Variants in EPB41L1 observed in about 807,000 individuals in gnomAD.
The protein encoded by EPB41L1 is erythrocyte membrane protein band 4.1 like 1, also known as band 4.1-like protein 1.
In EPB41L1, 29 loss-of-function variants were observed where a neutral mutation model predicts 97.8. That is an observed-to-expected ratio of 0.30 (90% confidence interval 0.22 to 0.40). The LOEUF is 0.40. Among genes scored for constraint, EPB41L1 ranks in the 10% least tolerant of loss-of-function variants. The probability of loss-of-function intolerance (pLI) is 1.00; values close to 1 mark genes in which losing one functional copy is unlikely to be tolerated. For missense variants in EPB41L1, 812 were observed against 1,162.3 expected (o/e 0.70, Z 4.38); for synonymous variants, 383 against 459.2 (o/e 0.83, Z 2.12).
At chr20:36,099,099 G>A (rs986056990) in intron 1 of EPB41L1, among the ~76,000 whole-genome samples, 6 of 152,172 alleles carry the variant, frequency 3.9e-5, no homozygotes, top group Non-Finnish European at 8.8e-5. Flanking sequence ...AACCTGGGAG[G>A]CGGACATTGC....
chr20:36,149,322 T>G (rs1008871548), intron 2 of EPB41L1, among the ~76,000 whole-genome samples: 1 of 152,158 alleles, frequency 6.6e-6, no homozygotes, highest in African/African-American at 2.4e-5. Flanking sequence ...GGAAAAGTGC[T>G]TTGTATACTG....
At chr20:36,144,274 T>C (rs888671312) in intron 2 of EPB41L1, among the ~76,000 whole-genome samples, 1 of 152,198 alleles carries the variant, frequency 6.6e-6, no homozygotes, top group African/African-American at 2.4e-5. Flanking sequence ...GGTTTCTTGA[T>C]GCCCAGCCCA....
chr20:36,182,585 T>C (rs2061516004), intron 6 of EPB41L1, among the ~76,000 whole-genome samples: 1 of 152,216 alleles, frequency 6.6e-6, no homozygotes, highest in Non-Finnish European at 1.5e-5. Context: ...CACAGGGAAC[T>C]GTGGGGCCTT....
intron 17 of EPB41L1, 148 bp downstream of exon 17, chr20:36,214,588 AT>A: frequency 1.4e-6 from 1 of 716,962 alleles, no homozygotes; most frequent in Non-Finnish European, 2.4e-6. Context: ...GCTGTTTATT[AT>A]CTGGGGCTTT....
chr20:36,141,122 G>A (rs1358567376), intron 2 of EPB41L1, among the ~76,000 whole-genome samples: 2 of 152,084 alleles, frequency 1.3e-5, no homozygotes, highest in Non-Finnish European at 1.5e-5. Context: ...TCAGGATTAC[G>A]TGTTCATTTC....
Position 36,188,581 on chromosome 20 carries a change from AACACACACACACACACACAC to A in EPB41L1, c.1026+124_1026+143del, listed in dbSNP as rs55990020. On this transcript the variant is annotated intron_variant, in intron 9 of 21. Transcript: ENST00000338074. ...CCCTGGCAGCTGGGCCTGGACTGCC[AACACACACACACACACACAC>A]ACACACACACACACACACACACACA... 548 of 467,232 alleles carry A rather than the reference AACACACACACACACACACAC, an allele frequency of 1.2e-3. 3 individuals are homozygous for A. The highest frequency in any genetic ancestry group is 0.01 in the African/African-American group (286 of 27,598). 28.9% of individuals were successfully genotyped at this position (467,232 alleles called of 1,614,324 possible).
At chr20:36,167,735 C>T (rs1011825180) in intron 1 of EPB41L1, among the ~76,000 whole-genome samples, 4 of 150,494 alleles carry the variant, frequency 2.7e-5, no homozygotes, top group Non-Finnish European at 4.4e-5. Flanking sequence ...ATAATAATAA[C>T]AATAATAATA....
intron 2 of EPB41L1, among the ~76,000 whole-genome samples, chr20:36,149,435 C>G (rs1431369247): frequency 6.6e-6 from 1 of 152,118 alleles, no homozygotes; most frequent in Non-Finnish European, 1.5e-5. Flanking sequence ...TGGAAGGTTA[C>G]AGGGAAGGGT....
intron 1 of EPB41L1, chr20:36,110,007 T>G (rs904229377): frequency 1.3e-5 from 2 of 150,900 alleles, no homozygotes; most frequent in Non-Finnish European, 2.9e-5. Context: ...AATGGCGCAA[T>G]CTCGGCTCAC....
chr20:36,217,972 C>T (rs1444935429), intron 17 of EPB41L1, among the ~76,000 whole-genome samples: 5 of 152,120 alleles, frequency 3.3e-5, no homozygotes, highest in Non-Finnish European at 5.9e-5. Context: ...TGAGATGGTG[C>T]AGAAAGTAGG....
intron 1 of EPB41L1, among the ~76,000 whole-genome samples, chr20:36,172,594 GTTT>G (rs1295853551): frequency 6.6e-6 from 1 of 152,014 alleles, no homozygotes; most frequent in Non-Finnish European, 1.5e-5. Context: ...TTACTGTTTT[GTTT>G]TTCTTTTTTC....
chr20:36,198,072 G>T, intron 14 of EPB41L1, 31 bp downstream of exon 14: 1 of 1,602,020 alleles, frequency 6.2e-7, no homozygotes. Flanking sequence ...CTCGATAGGG[G>T]CCTTGGGTAA....
chr20:36,231,764 G>T lies in EPB41L1; in HGVS notation c.*2424G>T, dbSNP rs2064498905. The T allele has an allele frequency of 6.6e-6, 1 of 152,666 alleles. No individual in the cohort carries two copies. Among genetic ancestry groups the T allele is most frequent in the South Asian group, 2.1e-4 (1 of 4,822 alleles). The allele number at this position is 152,666 out of a possible 1,614,324, so 9.5% of individuals were successfully genotyped here. A position where few individuals can be genotyped will look rare whatever the true frequency, so the allele number is the denominator to read the frequency against. On this transcript the variant is annotated 3_prime_UTR_variant, in exon 22 of 22. Transcript: ENST00000338074. The stretch of plus-strand genomic sequence containing the variant: ...ACTCCAACTCCCCCTGAGTGTAGCA[G>T]CACACTTTCCATACACCAGGTTCTT...
intron 13 of EPB41L1, 59 bp from the exon 14 acceptor site, chr20:36,197,800 C>T: frequency 1.2e-6 from 2 of 1,613,556 alleles, no homozygotes; most frequent in Non-Finnish European, 1.7e-6. Flanking sequence ...ATCCCTGCAC[C>T]CTGCATCCCC....
At chr20:36,194,186 T>G (rs2062082115) in intron 11 of EPB41L1, 26 bp from the exon 12 acceptor site, 1 of 1,612,536 alleles carries the variant, frequency 6.2e-7, no homozygotes, top group African/African-American at 1.3e-5. Context: ...CTCACATGGT[T>G]GCCTGGCTAT....
At chr20:36,118,660 T>C (rs2058660219) in intron 2 of EPB41L1, among the ~76,000 whole-genome samples, 1 of 152,132 alleles carries the variant, frequency 6.6e-6, no homozygotes, top group Non-Finnish European at 1.5e-5. Context: ...TATATCTCAA[T>C]TTTTTTAAAA....
chr20:36,221,217 C>T (rs2063761052), intron 19 of EPB41L1, among the ~76,000 whole-genome samples: 1 of 152,220 alleles, frequency 6.6e-6, no homozygotes, highest in Non-Finnish European at 1.5e-5. Flanking sequence ...TAGGTCCTGC[C>T]TCAGTTATTA....
At chr20:36,114,400 C>G (rs2058519248) in intron 2 of EPB41L1, among the ~76,000 whole-genome samples, 1 of 152,104 alleles carries the variant, frequency 6.6e-6, no homozygotes, top group Admixed American at 6.5e-5. Flanking sequence ...TCAGGGTATT[C>G]TTGAGAACAT....
intron 1 of EPB41L1, among the ~76,000 whole-genome samples, chr20:36,159,712 G>A (rs2060454026): frequency 6.6e-6 from 1 of 152,202 alleles, no homozygotes; most frequent in African/African-American, 2.4e-5. Context: ...CCATATTCTT[G>A]CTATTCCCTA....
Sources: gnomAD v4.1 joint callset for allele counts (sites outside exome capture counted in the v4.1 genomes callset) on GRCh38, gnomAD v4.1.1 for gene constraint, MANE v1.5 for transcripts, NCBI Gene and HGNC (gene_info 2026-07-23, HGNC 2026-07-21) for gene names.